The following LHFPL3 variants were observed in gnomAD, a reference collection of about 807,000 sequenced individuals.
The protein encoded by LHFPL3 is LHFPL tetraspan subfamily member 3 protein.
In LHFPL3, 5 loss-of-function variants were observed where a neutral mutation model predicts 19.3. That is an observed-to-expected ratio of 0.26 (90% CI 0.14 to 0.54). The LOEUF is 0.54. Ranked by LOEUF, LHFPL3 falls within the 20% of genes least tolerant of loss-of-function variation. The probability of loss-of-function intolerance (pLI) is 0.94; values close to 1 mark genes in which losing one functional copy is unlikely to be tolerated. For missense variants in LHFPL3, 249 were observed against 307.4 expected (o/e 0.81, Z 1.42); for synonymous variants, 133 against 126.2 (o/e 1.05, Z -0.36).
intron 1 of LHFPL3, among the ~76,000 whole-genome samples, chr7:104,391,454 T>C (rs1413545919): frequency 6.6e-6 from 1 of 152,188 alleles, no homozygotes; most frequent in Admixed American, 6.5e-5. Context: ...CCTTTCCCCA[T>C]TGCTTGTTTT....
intron 2 of LHFPL3, among the ~76,000 whole-genome samples, chr7:104,824,758 A>T (rs1467991077): frequency 3.2e-5 from 1 of 31,540 alleles, no homozygotes. Context: ...CATATATTAT[A>T]TATAATATAT....
chr7:104,534,306 A>C (rs76752806), intron 1 of LHFPL3, among the ~76,000 whole-genome samples: 214 of 152,344 alleles, frequency 1.4e-3, no homozygotes, highest in African/African-American at 5.0e-3. Context: ...ATCATAGCTC[A>C]GTGTGTTTGA....
In LHFPL3 at chr7:104,496,201, T is replaced by C. The variant is rs555443840; in HGVS notation, c.445+166977T>C. 2.0e-5 allele frequency among the ~76,000 whole-genome samples: 3 copies of C among 152,330 alleles called. No homozygotes were observed. The South Asian group carries it at 6.2e-4, about 32-fold the overall frequency. ...GTTCTCGTTGTTCAATTCCCACCTA[T>C]GAGTGAGAATATGCGGTGTTTGGTT... On this transcript the variant is annotated intron_variant, in intron 1 of 2. Coordinates refer to ENST00000424859, the MANE Select transcript of LHFPL3 (RefSeq NM_199000.3).
chr7:104,738,307 GGT>G (rs1793868241), intron 2 of LHFPL3, among the ~76,000 whole-genome samples: 2 of 152,236 alleles, frequency 1.3e-5, no homozygotes, highest in East Asian at 3.9e-4. Flanking sequence ...TCATTAGTGT[GGT>G]ACCTTTGTTG....
At chr7:104,638,777 T>C (rs567891476) in intron 1 of LHFPL3, among the ~76,000 whole-genome samples, 4 of 151,368 alleles carry the variant, frequency 2.6e-5, no homozygotes, top group Non-Finnish European at 5.9e-5. Flanking sequence ...TTTTTTTTTT[T>C]CTTGAGACAG....
chr7:104,509,465 G>A (rs1045904081), intron 1 of LHFPL3, among the ~76,000 whole-genome samples: 1 of 151,792 alleles, frequency 6.6e-6, no homozygotes, highest in African/African-American at 2.4e-5. Context: ...CATATTCACA[G>A]GCTAAAGAAG....
At chr7:104,818,026 GAT>G (rs1448766845) in intron 2 of LHFPL3, among the ~76,000 whole-genome samples, 1 of 152,198 alleles carries the variant, frequency 6.6e-6, no homozygotes, top group African/African-American at 2.4e-5. Flanking sequence ...GGACAGCACA[GAT>G]ACAGAACATT....
chr7:104,678,816 G>T (rs1215123342), intron 1 of LHFPL3, among the ~76,000 whole-genome samples: 2 of 152,118 alleles, frequency 1.3e-5, no homozygotes, highest in Admixed American at 1.3e-4. Context: ...GTGGCCATAG[G>T]TTTTATTTGT....
intron 1 of LHFPL3, among the ~76,000 whole-genome samples, chr7:104,608,417 G>A (rs1040900052): frequency 2.1e-4 from 31 of 147,128 alleles, no homozygotes; most frequent in Non-Finnish European, 4.5e-4. Context: ...AACACCGCAT[G>A]TTCTCACTCA....
intron 1 of LHFPL3, among the ~76,000 whole-genome samples, chr7:104,502,515 T>C (rs1452510249): frequency 6.6e-6 from 1 of 152,210 alleles, no homozygotes; most frequent in Non-Finnish European, 1.5e-5. Flanking sequence ...CCATCTGGAC[T>C]GTGACTACAT....
At chr7:104,828,246 C>T (rs1331289799) in intron 2 of LHFPL3, among the ~76,000 whole-genome samples, 1 of 151,960 alleles carries the variant, frequency 6.6e-6, no homozygotes, top group Non-Finnish European at 1.5e-5. Flanking sequence ...ACATAGTCAA[C>T]TTTCCTGGGC....
rs979093131 is a variant in LHFPL3, at chr7:104,748,046, A to G, written c.682+11135A>G. Among the ~76,000 whole-genome samples the G allele has an allele frequency of 5.5e-4, 84 of 151,932 alleles. 2 individuals carry two copies. The highest frequency in any genetic ancestry group is 8.5e-4 in the Admixed American group (13 of 15,248). On this transcript the variant is annotated intron_variant, in intron 2 of 2. Coordinates refer to ENST00000424859, the MANE Select transcript of LHFPL3 (RefSeq NM_199000.3). ...TGCCTTGAGATTCTGTTAATCTATG[A>G]CCTTACCCCCAACCCCGTGCTCTCT... is the stretch of plus-strand genomic sequence containing the variant.
At chr7:104,596,048 C>T (rs180761862) in intron 1 of LHFPL3, among the ~76,000 whole-genome samples, 297 of 152,354 alleles carry the variant, frequency 1.9e-3, no homozygotes, top group Non-Finnish European at 3.3e-3. Context: ...TGCTTTGGCT[C>T]ACCCTCCGTG....
At chr7:104,548,491 C>G (rs1214646523) in intron 1 of LHFPL3, among the ~76,000 whole-genome samples, 2 of 152,114 alleles carry the variant, frequency 1.3e-5, no homozygotes, top group Admixed American at 1.3e-4. Flanking sequence ...AGGAAATTAA[C>G]TGGATTTCTA....
chr7:104,659,927 A>C (rs1792192814), intron 1 of LHFPL3, among the ~76,000 whole-genome samples: 1 of 151,732 alleles, frequency 6.6e-6, no homozygotes, highest in Admixed American at 6.6e-5. Context: ...GAAAGGCCTC[A>C]TGTCACTTTC....
At chr7:104,824,551 A>AAT (rs1554348224) in intron 2 of LHFPL3, among the ~76,000 whole-genome samples, 1 of 71,642 alleles carries the variant, frequency 1.4e-5, no homozygotes, top group East Asian at 4.1e-4. Flanking sequence ...AATTATATAT[A>AAT]ATATATAATT....
intron 1 of LHFPL3, among the ~76,000 whole-genome samples, chr7:104,682,963 G>C (rs182357792): frequency 2.9e-4 from 44 of 152,256 alleles, no homozygotes; most frequent in African/African-American, 7.5e-4. Flanking sequence ...AGCAAAAGTA[G>C]AATTACACTG....
chr7:104,720,571 C>A (rs971639110), intron 1 of LHFPL3, among the ~76,000 whole-genome samples: 1 of 152,076 alleles, frequency 6.6e-6, no homozygotes. Flanking sequence ...AGCTTCTGCA[C>A]AGCAAAAGAA....
chr7:104,492,325 G>A (rs760694765), intron 1 of LHFPL3, among the ~76,000 whole-genome samples: 1 of 152,172 alleles, frequency 6.6e-6, no homozygotes, highest in Non-Finnish European at 1.5e-5. Context: ...CTAAAGCACT[G>A]GACCATCAGG....
Sources: allele counts gnomAD v4.1 joint callset (sites outside exome capture counted in the v4.1 genomes callset), GRCh38; gene constraint gnomAD v4.1.1; transcripts MANE v1.5; gene names NCBI Gene and HGNC (gene_info 2026-07-23, HGNC 2026-07-21).